PCDH11X: variants seen among roughly 807,000 people sequenced by gnomAD.
PCDH11X encodes protocadherin 11 X-linked.
A neutral mutation model predicts 53.3 loss-of-function variants in PCDH11X; 18 were observed. The ratio of observed to expected loss-of-function variants is 0.34; its 90% CI spans 0.23 to 0.50. The LOEUF (loss-of-function observed/expected upper bound fraction) is 0.50. Ranked by LOEUF, PCDH11X falls within the 20% of genes least tolerant of loss-of-function variation. The pLI is 0.98. For synonymous variants in PCDH11X, 279 were observed against 393.3 expected, an observed-to-expected ratio of 0.71 and a Z score of 3.44; for missense variants, 570 against 1,032.4, an observed-to-expected ratio of 0.55 and a Z score of 6.14.
chrX:92,460,517 G>A (rs1411250181), intron 9 of PCDH11X: 4 of 709,345 alleles, frequency 5.6e-6, no homozygotes, highest in Non-Finnish European at 8.9e-6. Flanking sequence ...ACCACAGTCC[G>A]CCGAGGTTGG....
chrX:92,156,682 C>T (rs2065542293), intron 6 of PCDH11X, among the ~76,000 whole-genome samples: 1 of 111,779 alleles, frequency 8.9e-6, no homozygotes, highest in Non-Finnish European at 1.9e-5. Context: ...TAACTTATAC[C>T]CCGTTCTTAC....
intron 6 of PCDH11X, among the ~76,000 whole-genome samples, chrX:92,055,753 TG>T (rs1208132943): frequency 9.0e-6 from 1 of 110,662 alleles, no homozygotes; most frequent in African/African-American, 3.3e-5. Context: ...CCCCTCTATG[TG>T]TCAGTGTGTT....
At chrX:92,132,158 GC>G (rs1467377050) in intron 6 of PCDH11X, among the ~76,000 whole-genome samples, 3 of 101,506 alleles carry the variant, frequency 3.0e-5, no homozygotes, top group Non-Finnish European at 6.0e-5. Flanking sequence ...GGTGGTGGGG[GC>G]CTGTAATCCC....
At chrX:92,319,504 T>C (rs1438403694) in intron 8 of PCDH11X, among the ~76,000 whole-genome samples, 1 of 111,854 alleles carries the variant, frequency 8.9e-6, no homozygotes, top group Non-Finnish European at 1.9e-5. Context: ...AAAAGTCTTA[T>C]ATGCCTTCAT....
intron 6 of PCDH11X, among the ~76,000 whole-genome samples, chrX:91,884,837 T>G (rs1279617655): frequency 9.2e-6 from 1 of 108,476 alleles, no homozygotes; most frequent in African/African-American, 3.3e-5. Flanking sequence ...TGTATCATTT[T>G]ACCTTTAAAA....
At chrX:92,469,743 A>G (rs1398679025) in intron 10 of PCDH11X, among the ~76,000 whole-genome samples, 2 of 111,095 alleles carry the variant, frequency 1.8e-5, no homozygotes, top group Non-Finnish European at 3.8e-5. Context: ...TGGGTTTTCT[A>G]TTCTGTTCCG....
chrX:92,368,682 C>T lies in PCDH11X; in HGVS notation c.3145-19053C>T, dbSNP rs143090930. Among the ~76,000 whole-genome samples the T allele has an allele frequency of 2.8e-3, 316 of 111,082 alleles. 6 individuals carry two copies. The East Asian group carries it at 0.053, about 19-fold the overall frequency. ...TGATGAACTTTGGATGGGGCTTTTGCGTGGGGGTCCTTTATGTTGATTTTG... is the reference window on the plus strand; with the variant it reads ...TGATGAACTTTGGATGGGGCTTTTGTGTGGGGGTCCTTTATGTTGATTTTG... On this transcript the variant is annotated intron_variant, in intron 8 of 10. Transcript: ENST00000682573.
intron 7 of PCDH11X, among the ~76,000 whole-genome samples, chrX:92,217,614 A>C (rs2066750542): frequency 1.0e-5 from 1 of 100,225 alleles, no homozygotes. Context: ...GGAGGCTTTA[A>C]CACCCCACTG....
rs1460197351 is a variant in PCDH11X at position 92,474,274 on chromosome X, CT to C, written c.3367+5958del. The stretch of plus-strand genomic sequence containing the variant: ...TGATATAAGTCTAGCTACTACCACT[CT>C]TTTTTAGTTTTTATTGGCATGGAAT... On this transcript the variant is annotated intron_variant, in intron 10 of 10. Transcript: ENST00000682573. 1.4e-4 allele frequency among the ~76,000 whole-genome samples: 16 copies of C among 110,684 alleles called. 1 individual carries two copies. The highest frequency in any genetic ancestry group is 3.8e-5 in the Non-Finnish European group (2 of 52,830).
rs1473383352 is a variant in PCDH11X, at chrX:92,235,647, A to G, written c.3115-27467A>G. Among the ~76,000 whole-genome samples the G allele has an allele frequency of 9.0e-5, 10 of 111,340 alleles. No individual in the cohort carries two copies. The Admixed American group carries it at 9.7e-4, about 11-fold the overall frequency. On this transcript the variant is annotated intron_variant, in intron 7 of 10. Transcript: ENST00000682573. ...ACAGAGTAAGACTTCACCATTCAAA[A>G]TTATCTTTATATTTTATTATTTCAT...
At chrX:91,910,247 A>AATT (rs1941327024) in intron 6 of PCDH11X, among the ~76,000 whole-genome samples, 1 of 105,862 alleles carries the variant, frequency 9.4e-6, no homozygotes, top group African/African-American at 3.4e-5. Context: ...ATTTTTCTTT[A>AATT]CCTGAAGCAA....
intron 5 of PCDH11X, among the ~76,000 whole-genome samples, chrX:91,860,176 T>C (rs763850297): frequency 3.5e-4 from 39 of 110,523 alleles, no homozygotes; most frequent in African/African-American, 1.2e-3. Flanking sequence ...TGAAGAGGTC[T>C]TTCATTTCCC....
chrX:92,409,143 TG>T (rs1339367218), intron 9 of PCDH11X, among the ~76,000 whole-genome samples: 2 of 105,557 alleles, frequency 1.9e-5, no homozygotes, highest in Non-Finnish European at 3.8e-5. Context: ...TTTGCTAGCA[TG>T]ACTTCTCTTG....
At chrX:92,443,627 A>G (rs1311313842) in intron 9 of PCDH11X, among the ~76,000 whole-genome samples, 2 of 109,902 alleles carry the variant, frequency 1.8e-5, no homozygotes, top group African/African-American at 3.3e-5. Context: ...GGTGTTTTCT[A>G]GGTTTTCTTC....
At chrX:92,588,526 A>T (rs1480245062) in intron 10 of PCDH11X, among the ~76,000 whole-genome samples, 1 of 107,984 alleles carries the variant, frequency 9.3e-6, no homozygotes, top group Admixed American at 1.0e-4. Context: ...CTAAGAAAGC[A>T]TTAGTCTTTT....
intron 8 of PCDH11X, among the ~76,000 whole-genome samples, chrX:92,360,683 A>G (rs893646168): frequency 2.7e-5 from 3 of 111,151 alleles, no homozygotes; most frequent in African/African-American, 9.8e-5. Flanking sequence ...TTACTACATC[A>G]TACATATTTA....
intron 6 of PCDH11X, among the ~76,000 whole-genome samples, chrX:92,013,960 G>T (rs924526600): frequency 9.9e-5 from 11 of 111,476 alleles, no homozygotes; most frequent in African/African-American, 3.6e-4. Flanking sequence ...TACCATTCAG[G>T]ACATAGGCAT....
intron 6 of PCDH11X, among the ~76,000 whole-genome samples, chrX:92,060,159 A>T (rs765979744): frequency 9.3e-6 from 1 of 107,861 alleles, no homozygotes; most frequent in Admixed American, 1.0e-4. Context: ...ATTTAAAAAT[A>T]CAGGAAAATG....
At chrX:91,804,595 A>G (rs1405992937) in intron 1 of PCDH11X, among the ~76,000 whole-genome samples, 1 of 109,428 alleles carries the variant, frequency 9.1e-6, no homozygotes, top group Non-Finnish European at 1.9e-5. Flanking sequence ...GTGGTATTGT[A>G]TTTTTAAACT....
Sources: allele counts gnomAD v4.1 joint callset (sites outside exome capture counted in the v4.1 genomes callset), GRCh38; gene constraint gnomAD v4.1.1; transcripts MANE v1.5; gene names NCBI Gene and HGNC (gene_info 2026-07-23, HGNC 2026-07-21).